Variants in SETBP1 observed in about 807,000 individuals in gnomAD.
SETBP1 encodes SET binding protein 1, also known as SET-binding protein.
SETBP1 carries 9 observed loss-of-function variants against 101.0 expected under a neutral mutation model. That is an observed-to-expected ratio of 0.09 (90% CI 0.05 to 0.16). The LOEUF (loss-of-function observed/expected upper bound fraction) is 0.16, where lower values mean the gene tolerates loss of function less well. SETBP1 is among the 10% of genes least tolerant of loss of function. The pLI is 1.00. For missense variants in SETBP1, 1,858 were observed against 2,033.8 expected, an observed-to-expected ratio of 0.91 and a Z score of 1.66; for synonymous variants, 818 against 788.5, an observed-to-expected ratio of 1.04 and a Z score of -0.63.
chr18:44,809,606 C>G (rs1209757425), intron 2 of SETBP1, among the ~76,000 whole-genome samples: 3 of 152,162 alleles, frequency 2.0e-5, no homozygotes, highest in African/African-American at 7.2e-5. Context: ...CTCTGTCAAG[C>G]AATTTGTCCC....
chr18:44,878,121 A>AATATGATG (rs2069450911), intron 3 of SETBP1, among the ~76,000 whole-genome samples: 1 of 152,152 alleles, frequency 6.6e-6, no homozygotes, highest in Non-Finnish European at 1.5e-5. Context: ...AGTATATTCA[A>AATATGATG]ATATGATGTC....
At chr18:44,696,523 A>C (rs2069020392) in intron 1 of SETBP1, among the ~76,000 whole-genome samples, 2 of 152,230 alleles carry the variant, frequency 1.3e-5, no homozygotes, top group African/African-American at 2.4e-5. Context: ...AAAATATTCT[A>C]TCTAGCAGTT....
At chr18:44,993,538 G>C (rs1049396197) in intron 4 of SETBP1, among the ~76,000 whole-genome samples, 1 of 151,880 alleles carries the variant, frequency 6.6e-6, no homozygotes, top group South Asian at 2.1e-4. Context: ...AGAACAAAAA[G>C]TAATACGATA....
At chr18:44,976,434 G>T (rs1326285105) in intron 4 of SETBP1, among the ~76,000 whole-genome samples, 1 of 152,174 alleles carries the variant, frequency 6.6e-6, no homozygotes, top group African/African-American at 2.4e-5. Flanking sequence ...TGCATGGTCT[G>T]GTGTAAACTC....
intron 2 of SETBP1, among the ~76,000 whole-genome samples, chr18:44,784,337 A>C (rs1000844063): frequency 6.6e-6 from 1 of 151,402 alleles, no homozygotes; most frequent in African/African-American, 2.4e-5. Flanking sequence ...TTCTTTTTTT[A>C]CTTCCTCTGG....
chr18:44,728,316 C>T lies in SETBP1; in HGVS notation c.486+26484C>T, dbSNP rs539560653. ...TGGTGGTTCTCAGAGCTGATCATTT[C>T]CCTGGACATGATCACGTCTCCCTGT... On this transcript the variant is annotated intron_variant, in intron 2 of 5. Coordinates refer to ENST00000649279, the MANE Select transcript of SETBP1 (RefSeq NM_015559.3). Among the ~76,000 whole-genome samples, 10 of 152,226 alleles carry T rather than the reference C, an allele frequency of 6.6e-5. No individual in the cohort carries two copies. The East Asian group carries it at 1.9e-3, about 29-fold the overall frequency.
intron 2 of SETBP1, among the ~76,000 whole-genome samples, chr18:44,837,592 T>C (rs2072525051): frequency 6.6e-6 from 1 of 152,170 alleles, no homozygotes; most frequent in African/African-American, 2.4e-5. Flanking sequence ...GGAGAAAGGC[T>C]CAGCCTCAGC....
chr18:44,732,092 A>G (rs990089790), intron 2 of SETBP1, among the ~76,000 whole-genome samples: 2 of 152,064 alleles, frequency 1.3e-5, no homozygotes, highest in African/African-American at 4.8e-5. Flanking sequence ...TTGATGAGCA[A>G]TGTGTCTGTG....
chr18:44,683,075 A>G (rs1418049328), intron 1 of SETBP1, among the ~76,000 whole-genome samples: 1 of 152,194 alleles, frequency 6.6e-6, no homozygotes, highest in Non-Finnish European at 1.5e-5. Flanking sequence ...GTGTCGGTTA[A>G]GAAGGGGGCC....
rs79938638 is a variant in SETBP1 at position 44,953,146 on chromosome 18, A to T, written c.3806A>T (p.Asp1269Val). The change falls in exon 4 of 6, where the codon GAT becomes GTT. Residue 1269 changes from aspartate (D) to valine (V), a missense_variant. By Grantham distance (152) the Asp-to-Val change is radical (BLOSUM62 -3). This residue lies in a region of SETBP1 where 417 missense variants were observed against 389.1 expected (regional missense o/e 1.07). Coordinates refer to ENST00000649279, the MANE Select transcript of SETBP1 (RefSeq NM_015559.3). ...CTKRYSGSGG[D>V]GGSTRSENLD... is the part of the protein sequence containing the mutation. Reference sequence around the variant, plus strand: ...AAAAGATACTCTGGCAGTGGCGGGGATGGTGGCAGCACGAGATCAGAGAAC... The same window carrying T: ...AAAAGATACTCTGGCAGTGGCGGGGTTGGTGGCAGCACGAGATCAGAGAAC... The T allele has an allele frequency of 1.9e-6, 3 of 1,609,782 alleles. No homozygotes were observed. The highest frequency in any genetic ancestry group is 1.7e-6 in the Non-Finnish European group (2 of 1,178,664).
At chr18:44,754,541 G>C (rs1034137013) in intron 2 of SETBP1, among the ~76,000 whole-genome samples, 2 of 152,180 alleles carry the variant, frequency 1.3e-5, no homozygotes, top group Non-Finnish European at 2.9e-5. Context: ...CCAGGGTTAA[G>C]TTTAAAAGTC....
intron 2 of SETBP1, among the ~76,000 whole-genome samples, chr18:44,764,465 G>A (rs1291590711): frequency 6.6e-6 from 1 of 150,540 alleles, no homozygotes; most frequent in Non-Finnish European, 1.5e-5. Flanking sequence ...TTCTTTCTTC[G>A]TTCTTCTTCT....
chr18:45,021,635 G>A (rs2073070985), intron 4 of SETBP1, among the ~76,000 whole-genome samples: 1 of 152,160 alleles, frequency 6.6e-6, no homozygotes, highest in Non-Finnish European at 1.5e-5. Context: ...ATAAAGAGAA[G>A]AAGAAAAATT....
At chr18:44,822,986 A>C (rs1489182702) in intron 2 of SETBP1, among the ~76,000 whole-genome samples, 1 of 152,170 alleles carries the variant, frequency 6.6e-6, no homozygotes, top group African/African-American at 2.4e-5. Flanking sequence ...TCTACAAAAA[A>C]TACATGTGGT....
At chr18:44,755,027 C>T (rs930673076) in intron 2 of SETBP1, among the ~76,000 whole-genome samples, 3 of 152,178 alleles carry the variant, frequency 2.0e-5, no homozygotes, top group African/African-American at 7.2e-5. Flanking sequence ...ATCTTATGCC[C>T]TTAACTCACT....
At chr18:44,749,708 T>A (rs1441881000) in intron 2 of SETBP1, among the ~76,000 whole-genome samples, 1 of 152,192 alleles carries the variant, frequency 6.6e-6, no homozygotes, top group Admixed American at 6.5e-5. Context: ...TAAGATATCA[T>A]AAACTACAAG....
In SETBP1 at chr18:44,892,591, T is replaced by C. The variant is rs2069796972; in HGVS notation, c.540+23308T>C. Among the ~76,000 whole-genome samples the C allele has an allele frequency of 1.3e-5, 2 of 152,144 alleles. 1 individual carries two copies. Among genetic ancestry groups the C allele is most frequent in the South Asian group, 4.1e-4 (2 of 4,834 alleles). On this transcript the variant is annotated intron_variant, in intron 3 of 5. Coordinates refer to ENST00000649279, the MANE Select transcript of SETBP1 (RefSeq NM_015559.3). ...CTTGTCTCTGCTTGAAAGTTTCCAGTGATGGAGAGCTTTCTGTTGGCCAGG... is the reference window on the plus strand; with the variant it reads ...CTTGTCTCTGCTTGAAAGTTTCCAGCGATGGAGAGCTTTCTGTTGGCCAGG...
intron 3 of SETBP1, among the ~76,000 whole-genome samples, chr18:44,911,888 A>G (rs1200460246): frequency 6.6e-6 from 1 of 152,180 alleles, no homozygotes; most frequent in Admixed American, 6.5e-5. Context: ...AAGGAACTTC[A>G]ACAGTAGTGG....
At chr18:45,030,180 G>A (rs1459449007) in intron 4 of SETBP1, among the ~76,000 whole-genome samples, 1 of 141,772 alleles carries the variant, frequency 7.1e-6, no homozygotes, top group African/African-American at 2.7e-5. Flanking sequence ...TTTGAGATAT[G>A]TCCCATCAAT....
Sources: allele counts gnomAD v4.1 joint callset (sites outside exome capture counted in the v4.1 genomes callset), GRCh38; gene constraint gnomAD v4.1.1; regional missense constraint gnomAD v4.1.1; transcripts MANE v1.5; gene names NCBI Gene and HGNC (gene_info 2026-07-23, HGNC 2026-07-21).